POLR3F: variants seen among roughly 807,000 people sequenced by gnomAD.
POLR3F encodes DNA-directed RNA polymerase III subunit RPC6.
In POLR3F, 31 loss-of-function variants were observed where a neutral mutation model predicts 43.6. The ratio of observed to expected loss-of-function variants is 0.71; its 90% confidence interval spans 0.53 to 0.96. The LOEUF is 0.96. Ranked by LOEUF, POLR3F falls within the 40% of genes least tolerant of loss-of-function variation. POLR3F has a pLI of 0.00. For synonymous variants in POLR3F, 114 were observed against 132.5 expected (o/e 0.86, Z 0.96); for missense variants, 316 against 391.7 (o/e 0.81, Z 1.63).
Position 18,483,971 on chromosome 20 carries a change from C to T in POLR3F, c.*413C>T. On this transcript the variant is annotated 3_prime_UTR_variant, in exon 9 of 9. Coordinates refer to ENST00000377603, the MANE Select transcript of POLR3F (RefSeq NM_006466.4). ...GAAGTTTTTTTTTATATCTGGTTCA[C>T]TACCACCATTTTCTGTTTCCTACTT... 2.5e-6 allele frequency: 1 copy of T among 396,872 alleles called. No homozygotes were observed. Among genetic ancestry groups the T allele is most frequent in the Non-Finnish European group, 4.4e-6 (1 of 225,394 alleles). 24.6% of individuals were successfully genotyped at this position (396,872 alleles called of 1,614,324 possible).
chr20:18,479,671 T>C (rs1343409652), intron 5 of POLR3F, among the ~76,000 whole-genome samples: 1 of 152,056 alleles, frequency 6.6e-6, no homozygotes, highest in Admixed American at 6.6e-5. Context: ...CATGAGTCCA[T>C]AGTGATAGAA....
chr20:18,467,703 C>T, intron 1 of POLR3F, 135 bp downstream of exon 1: 1 of 1,509,412 alleles, frequency 6.6e-7, no homozygotes, highest in South Asian at 1.3e-5. Context: ...TTGCGGGGTT[C>T]TGGACCCACT....
chr20:18,480,159 G>GT lies in POLR3F; in HGVS notation c.555dup (p.Lys186Ter). 1 of 1,612,742 alleles carries GT rather than the reference G, an allele frequency of 6.2e-7. No homozygotes were observed. Among genetic ancestry groups the GT allele is most frequent in the African/African-American group, 1.3e-5 (1 of 74,994 alleles). ...TTTGTAGAGGTGCTTAACCAACAGT[G>GT]TTTTAAATTCCTACAGTCCAAGGTG... On this transcript the variant is annotated frameshift_variant, in exon 6 of 9. Transcript: ENST00000377603. LOFTEE classifies it high-confidence loss of function.
chr20:18,469,860 C>T (rs1012456140), intron 2 of POLR3F, among the ~76,000 whole-genome samples: 1 of 152,166 alleles, frequency 6.6e-6, no homozygotes, highest in Admixed American at 6.5e-5. Flanking sequence ...AAATATTCCA[C>T]CCCCCGATTT....
Position 18,480,084 on chromosome 20 carries a change from G to A in POLR3F, c.476G>A (p.Arg159Gln), listed in dbSNP as rs756154141. 44 of 1,609,514 alleles carry A rather than the reference G, an allele frequency of 2.7e-5. No individual in the cohort carries two copies. Among genetic ancestry groups the A allele is most frequent in the African/African-American group, 1.1e-4 (8 of 74,832 alleles). Residue 159 changes from arginine (R) to glutamine (Q), a missense_variant, in exon 6 of 9, where the codon CGG becomes CAG. By Grantham distance (43) the Arg-to-Gln change is conservative (BLOSUM62 1). Transcript: ENST00000377603. Reference protein sequence around the residue: ...VYMLYNLQPDRSVTGGAWYSD... With the variant: ...VYMLYNLQPDQSVTGGAWYSD... ...ATGCTCTATAACCTGCAGCCAGACC[G>A]GTCTGTGACTGGTGGAGCCTGGTAC...
chr20:18,467,736 G>A, intron 1 of POLR3F, 168 bp downstream of exon 1: 1 of 1,396,912 alleles, frequency 7.2e-7, no homozygotes, highest in Non-Finnish European at 9.5e-7. Context: ...TCCTGGGAGA[G>A]CAGAACTCAA....
intron 7 of POLR3F, 114 bp from the exon 8 acceptor site, chr20:18,481,505 C>G: frequency 1.4e-6 from 1 of 714,030 alleles, no homozygotes; most frequent in Non-Finnish European, 2.4e-6. Flanking sequence ...TCCCAAAGTG[C>G]TGGGATTACA....
At chr20:18,468,863 A>T in intron 1 of POLR3F, 81 bp from the exon 2 acceptor site, 1 of 750,200 alleles carries the variant, frequency 1.3e-6, no homozygotes, top group Admixed American at 1.9e-5. Flanking sequence ...ACAGTTTCAA[A>T]CTATTCTACT....
intron 3 of POLR3F, 194 bp downstream of exon 3, chr20:18,473,103 C>T (rs1246004832): frequency 2.8e-6 from 1 of 359,664 alleles, no homozygotes; most frequent in African/African-American, 2.1e-5. Context: ...TATATAAATA[C>T]ACATAGATGA....
intron 5 of POLR3F, among the ~76,000 whole-genome samples, chr20:18,477,697 T>C (rs764918137): frequency 3.3e-5 from 5 of 152,214 alleles, no homozygotes; most frequent in African/African-American, 9.6e-5. Context: ...GGCTACATAC[T>C]GTATGATTAC....
rs2059824829 is a variant in POLR3F at position 18,484,053 on chromosome 20, A to C, written c.*495A>C. On this transcript the variant is annotated 3_prime_UTR_variant, in exon 9 of 9. Coordinates refer to ENST00000377603, the MANE Select transcript of POLR3F (RefSeq NM_006466.4). The stretch of plus-strand genomic sequence containing the variant: ...GGGGTTAAAGGCAGGAATAGCAAAG[A>C]GTGCAAACTTGGGGTATGACTGGGG... 1 of 398,514 alleles carries C rather than the reference A, an allele frequency of 2.5e-6. No individual in the cohort carries two copies. The highest frequency in any genetic ancestry group is 3.6e-5 in the East Asian group (1 of 28,078). The allele number at this position is 398,514 out of a possible 1,614,324, so 24.7% of individuals were successfully genotyped here.
In POLR3F at chr20:18,468,382, A is replaced by G. The variant is rs550055426; in HGVS notation, c.63-562A>G. On this transcript the variant is annotated intron_variant, in intron 1 of 8. Coordinates refer to ENST00000377603, the MANE Select transcript of POLR3F (RefSeq NM_006466.4). ...GAGCCACCGCGCCCGGCCCAGTTTT[A>G]TATTTTACCGAGGCACTGCCACTCT... 1.4e-4 allele frequency among the ~76,000 whole-genome samples: 22 copies of G among 152,302 alleles called. No individual in the cohort carries two copies. The East Asian group carries it at 4.1e-3, about 28-fold the overall frequency.
At chr20:18,470,893 C>T (rs1036072514) in intron 2 of POLR3F, among the ~76,000 whole-genome samples, 42 of 152,168 alleles carry the variant, frequency 2.8e-4, no homozygotes, top group African/African-American at 9.7e-4. Context: ...TCCACACCCC[C>T]TCCATTTCTA....
intron 8 of POLR3F, among the ~76,000 whole-genome samples, 155 bp downstream of exon 8, chr20:18,481,965 G>A (rs562418541): frequency 1.4e-5 from 2 of 147,904 alleles, no homozygotes; most frequent in African/African-American, 5.0e-5. Context: ...GACCTTTAAT[G>A]AACACATCAT....
intron 8 of POLR3F, 21 bp from the exon 9 acceptor site, chr20:18,483,460 A>ATT: frequency 8.5e-7 from 1 of 1,174,674 alleles, no homozygotes; most frequent in Admixed American, 2.2e-5. Flanking sequence ...TTTGAATATA[A>ATT]TTTTTTTTTC....
At chr20:18,483,257 G>A (rs1043942547) in intron 8 of POLR3F, among the ~76,000 whole-genome samples, 5 of 152,090 alleles carry the variant, frequency 3.3e-5, no homozygotes, top group African/African-American at 1.2e-4. Flanking sequence ...TAGAGACGGG[G>A]TTTCACCATG....
intron 5 of POLR3F, among the ~76,000 whole-genome samples, chr20:18,475,664 G>A (rs1038211682): frequency 1.3e-5 from 2 of 152,116 alleles, no homozygotes; most frequent in Non-Finnish European, 2.9e-5. Flanking sequence ...CTCCCTCGGG[G>A]ACATCTGCCC....
At chr20:18,480,575 ATGTATT>A in intron 7 of POLR3F, 66 bp downstream of exon 7, 1 of 907,570 alleles carries the variant, frequency 1.1e-6, no homozygotes, top group South Asian at 1.5e-5. Context: ...TATTCCAAAC[ATGTATT>A]TGACCCACAT....
In POLR3F at chr20:18,467,665, G is replaced by T. The variant is rs917212631; in HGVS notation, c.62+97G>T. ...GGGATCCCTTGGGAGTGGCCGGAGCGGGTTAGGTGAGCACGCGGGAAAAAC... is the reference window on the plus strand; with the variant it reads ...GGGATCCCTTGGGAGTGGCCGGAGCTGGTTAGGTGAGCACGCGGGAAAAAC... On this transcript the variant is annotated intron_variant, in intron 1 of 8. Coordinates refer to ENST00000377603, the MANE Select transcript of POLR3F (RefSeq NM_006466.4). The T allele has an allele frequency of 2.3e-5, 36 of 1,581,620 alleles. 3 individuals carry two copies. The South Asian group carries it at 3.8e-4, about 17-fold the overall frequency.
Sources: gnomAD v4.1 joint callset for allele counts (sites outside exome capture counted in the v4.1 genomes callset) on GRCh38, gnomAD v4.1.1 for gene constraint, MANE v1.5 for transcripts, NCBI Gene and HGNC (gene_info 2026-07-23, HGNC 2026-07-21) for gene names.